FAM193A: variants seen among roughly 807,000 people sequenced by gnomAD.
The protein encoded by FAM193A is family with sequence similarity 193 member A.
FAM193A carries 22 observed loss-of-function variants against 126.5 expected under a neutral mutation model. The ratio of observed to expected loss-of-function variants is 0.17; its 90% CI spans 0.12 to 0.25. The LOEUF (loss-of-function observed/expected upper bound fraction) is 0.25. Among genes scored for constraint, FAM193A ranks in the 10% least tolerant of loss-of-function variants. The pLI, the probability that FAM193A is intolerant of heterozygous loss-of-function variation, is 1.00. For missense variants in FAM193A, 1,675 were observed against 1,672.8 expected (o/e 1.00, Z -0.02); for synonymous variants, 761 against 646.8 (o/e 1.18, Z -2.68).
chr4:2,683,030 G>T (rs1467123040), intron 13 of FAM193A, among the ~76,000 whole-genome samples: 2 of 152,218 alleles, frequency 1.3e-5, no homozygotes, highest in African/African-American at 4.8e-5. Flanking sequence ...TGCTGGTGAT[G>T]AGCTCCCTCA....
intron 12 of FAM193A, among the ~76,000 whole-genome samples, chr4:2,666,816 C>T (rs752924551): frequency 1.8e-4 from 27 of 152,158 alleles, no homozygotes; most frequent in Non-Finnish European, 3.2e-4. Context: ...TGTTATAATC[C>T]TTTTTAATTC....
At chr4:2,720,671 T>G (rs978028863) in intron 20 of FAM193A, among the ~76,000 whole-genome samples, 1 of 151,600 alleles carries the variant, frequency 6.6e-6, no homozygotes. Context: ...AAAACAGTTA[T>G]TTTTCTCTAT....
At chr4:2,655,693 G>A (rs149029454) in intron 7 of FAM193A, among the ~76,000 whole-genome samples, 9,712 of 152,084 alleles carry the variant, frequency 0.064, 1,030 homozygotes, top group African/African-American at 0.22. Context: ...CACTTTGGGA[G>A]GCCAAAGCAG....
intron 15 of FAM193A, among the ~76,000 whole-genome samples, chr4:2,692,866 GGAAA>G (rs908236660): frequency 2.7e-5 from 4 of 148,928 alleles, no homozygotes; most frequent in African/African-American, 4.9e-5. Flanking sequence ...AGGGAGGGAG[GGAAA>G]GAAAGAAAAG....
chr4:2,639,884 T>G, intron 6 of FAM193A, 25 bp downstream of exon 6: 1 of 1,606,802 alleles, frequency 6.2e-7, no homozygotes, highest in East Asian at 2.2e-5. Flanking sequence ...CCCGTATGTG[T>G]CTTTGTGGTG....
At chr4:2,647,550 C>T (rs1204511854) in intron 7 of FAM193A, among the ~76,000 whole-genome samples, 1 of 152,144 alleles carries the variant, frequency 6.6e-6, no homozygotes, top group African/African-American at 2.4e-5. Context: ...GACACATGCA[C>T]AGGTGGCAGG....
chr4:2,610,712 G>A lies in FAM193A; in HGVS notation c.501+14383G>A, dbSNP rs550303787. Among the ~76,000 whole-genome samples the A allele has an allele frequency of 3.9e-5, 6 of 152,158 alleles. No individual in the cohort carries two copies. The South Asian group carries it at 1.0e-3, about 26-fold the overall frequency. ...TATTTTCCAGTTTGGGCTGTTATGAGTAGAGCTACTAGGAACATTTGAGTA... is the reference window on the plus strand; with the variant it reads ...TATTTTCCAGTTTGGGCTGTTATGAATAGAGCTACTAGGAACATTTGAGTA... On this transcript the variant is annotated intron_variant, in intron 2 of 20. Coordinates refer to ENST00000637812, the MANE Select transcript of FAM193A (RefSeq NM_001366318.2).
intron 1 of FAM193A, among the ~76,000 whole-genome samples, chr4:2,549,403 T>C (rs1021463682): frequency 2.1e-5 from 3 of 139,758 alleles, no homozygotes; most frequent in Admixed American, 7.0e-5. Flanking sequence ...TTCTTTTTTT[T>C]TTTTTTTTTT....
intron 12 of FAM193A, among the ~76,000 whole-genome samples, chr4:2,666,243 A>G (rs1713100477): frequency 1.3e-5 from 2 of 152,048 alleles, no homozygotes; most frequent in Non-Finnish European, 2.9e-5. Flanking sequence ...CAGTTTTTCA[A>G]ATGTCTTTTC....
At chr4:2,650,419 C>T (rs905119557) in intron 7 of FAM193A, among the ~76,000 whole-genome samples, 20 of 152,118 alleles carry the variant, frequency 1.3e-4, no homozygotes, top group Admixed American at 8.5e-4. Context: ...AAACAGAAGG[C>T]GAGGGGCCGG....
intron 6 of FAM193A, among the ~76,000 whole-genome samples, chr4:2,640,852 C>A (rs1282500577): frequency 2.0e-5 from 3 of 151,706 alleles, no homozygotes; most frequent in Non-Finnish European, 4.4e-5. Flanking sequence ...GTGATCCTGG[C>A]TACTTGGGAG....
intron 7 of FAM193A, among the ~76,000 whole-genome samples, chr4:2,649,773 C>T (rs1157473114): frequency 6.6e-6 from 1 of 152,222 alleles, no homozygotes; most frequent in Non-Finnish European, 1.5e-5. Context: ...GCAGGGGTCC[C>T]TAACCCTTGG....
chr4:2,679,375 C>CTTTCTTT (rs1233397336), intron 13 of FAM193A, among the ~76,000 whole-genome samples: 13 of 87,896 alleles, frequency 1.5e-4, no homozygotes, highest in African/African-American at 5.1e-4. Context: ...AGTTTTCTTT[C>CTTTCTTT]TTTTTTTTTT....
At chr4:2,560,029 GCTCACTGCAAGCTCTGTCTC>G (rs1483259688) in intron 1 of FAM193A, among the ~76,000 whole-genome samples, 1 of 151,838 alleles carries the variant, frequency 6.6e-6, no homozygotes, top group Non-Finnish European at 1.5e-5. Context: ...TGCGATCTTG[GCTCACTGCAAGCTCTGTCTC>G]CCTGGTTCAA....
chr4:2,699,179 C>T (rs551348688), intron 18 of FAM193A, among the ~76,000 whole-genome samples: 4 of 152,216 alleles, frequency 2.6e-5, no homozygotes, highest in African/African-American at 7.2e-5. Flanking sequence ...CTTACATTCC[C>T]TGTTCAAGTG....
intron 4 of FAM193A, among the ~76,000 whole-genome samples, chr4:2,630,062 G>A (rs1743402661): frequency 6.6e-6 from 1 of 150,498 alleles, no homozygotes; most frequent in South Asian, 2.1e-4. Context: ...AACCCAGGAG[G>A]TGGAGCTTGC....
At chr4:2,606,661 A>G (rs1403675545) in intron 2 of FAM193A, among the ~76,000 whole-genome samples, 3 of 152,208 alleles carry the variant, frequency 2.0e-5, no homozygotes, top group Non-Finnish European at 2.9e-5. Context: ...GTAACATCAC[A>G]TGTTGGTTAT....
intron 16 of FAM193A, 59 bp from the exon 17 acceptor site, chr4:2,694,887 T>C: frequency 6.9e-7 from 1 of 1,440,894 alleles, no homozygotes; most frequent in South Asian, 1.3e-5. Context: ...TGTGCAACAA[T>C]GTGAGTCATT....
At chr4:2,629,231 A>AG (rs1743308296) in intron 4 of FAM193A, among the ~76,000 whole-genome samples, 1 of 151,652 alleles carries the variant, frequency 6.6e-6, no homozygotes, top group Non-Finnish European at 1.5e-5. Context: ...AAAAAAAAAA[A>AG]GAGATCTAAG....
Sources: allele counts gnomAD v4.1 joint callset (sites outside exome capture counted in the v4.1 genomes callset), GRCh38; gene constraint gnomAD v4.1.1; transcripts MANE v1.5; gene names NCBI Gene and HGNC (gene_info 2026-07-23, HGNC 2026-07-21).